Variants in OPRM1 observed in about 807,000 individuals in gnomAD.
The protein encoded by OPRM1 is mu-type opioid receptor.
In OPRM1, 27 loss-of-function variants were observed where a neutral mutation model predicts 31.8. That is an observed-to-expected ratio of 0.85 (90% confidence interval 0.63 to 1.17). OPRM1 has a LOEUF of 1.17. OPRM1 is among the 50% of genes most tolerant of loss of function. The pLI is 0.00. For missense variants in OPRM1, 536 were observed against 511.1 expected (o/e 1.05, Z -0.47); for synonymous variants, 196 against 189.9 (o/e 1.03, Z -0.26).
chr6:154,115,745 C>A (rs528185005), intron 3 of OPRM1, among the ~76,000 whole-genome samples: 2 of 152,172 alleles, frequency 1.3e-5, no homozygotes, highest in African/African-American at 4.8e-5. Context: ...GGGGCAGCAA[C>A]CTGGCTTCCC....
chr6:154,081,185 A>G (rs1789027984), intron 1 of OPRM1, among the ~76,000 whole-genome samples: 1 of 152,238 alleles, frequency 6.6e-6, no homozygotes, highest in African/African-American at 2.4e-5. Flanking sequence ...TAGAACTGAT[A>G]GGTTCAAACC....
intron 3 of OPRM1, among the ~76,000 whole-genome samples, chr6:154,145,704 G>A (rs941054242): frequency 1.3e-5 from 2 of 152,232 alleles, no homozygotes; most frequent in African/African-American, 4.8e-5. Flanking sequence ...TAAATTGGGA[G>A]GAAGCAGCAG....
At chr6:154,180,414 A>ATATATTTTTTTT (rs1241250621) in intron 3 of OPRM1, among the ~76,000 whole-genome samples, 2 of 65,264 alleles carry the variant, frequency 3.1e-5, no homozygotes, top group African/African-American at 9.6e-5. Context: ...ATATATATAT[A>ATATATTTTTTTT]TTTTTTTTTT....
chr6:154,085,232 A>G (rs969473662), intron 1 of OPRM1, among the ~76,000 whole-genome samples: 3 of 152,340 alleles, frequency 2.0e-5, no homozygotes, highest in Admixed American at 6.5e-5. Context: ...GAAAGGAAGA[A>G]CATCTATAAA....
intron 1 of OPRM1, among the ~76,000 whole-genome samples, chr6:154,081,846 C>T (rs1047439379): frequency 1.3e-5 from 2 of 152,162 alleles, no homozygotes; most frequent in Non-Finnish European, 2.9e-5. Context: ...GCCTCAAATA[C>T]TTGTAACTCT....
At chr6:154,241,234 CAAAAAAAAAAAA>C (rs11308882) in intron 3 of OPRM1, among the ~76,000 whole-genome samples, 1 of 79,234 alleles carries the variant, frequency 1.3e-5, no homozygotes, top group Non-Finnish European at 2.5e-5. Context: ...GACTCCATCT[CAAAAAAAAAAAA>C]AAAAAAAAGA....
At chr6:154,067,346 TTTAA>T (rs1320576147) in intron 1 of OPRM1, among the ~76,000 whole-genome samples, 4 of 151,956 alleles carry the variant, frequency 2.6e-5, no homozygotes, top group African/African-American at 9.7e-5. Flanking sequence ...TGTGTTGTGC[TTTAA>T]TTTTCATTTA....
chr6:154,040,224 T>C (rs1017581308), intron 1 of OPRM1, among the ~76,000 whole-genome samples: 3 of 151,984 alleles, frequency 2.0e-5, no homozygotes, highest in Non-Finnish European at 4.4e-5. Context: ...TTGTGAATAA[T>C]GGGAGAGAAA....
chr6:154,135,558 A>G (rs928798869), downstream of OPRM1, among the ~76,000 whole-genome samples: 1 of 150,310 alleles, frequency 6.7e-6, no homozygotes, highest in African/African-American at 2.4e-5. Flanking sequence ...AGCATACTAC[A>G]GCTTAATGTT....
At chr6:154,046,530 T>C (rs1430431858) in intron 1 of OPRM1, among the ~76,000 whole-genome samples, 1 of 152,232 alleles carries the variant, frequency 6.6e-6, no homozygotes, top group East Asian at 1.9e-4. Flanking sequence ...TTGTGATTAA[T>C]TGAGCTCAAG....
chr6:154,209,999 G>A (rs2128603393), intron 3 of OPRM1, among the ~76,000 whole-genome samples: 1 of 152,242 alleles, frequency 6.6e-6, no homozygotes, highest in African/African-American at 2.4e-5. Flanking sequence ...TAACTTACTG[G>A]CTTCATGAGT....
rs1788350323 is a variant in OPRM1 at position 154,078,445 on chromosome 6, A to AC, written c.291-11378dup. On this transcript the variant is annotated intron_variant, in intron 1 of 3. Transcript: ENST00000330432. ...TGTATTCCCAAGAAAGGGAAAAAGA[A>AC]CCCACAGGGAGAGCAAATGACTGTC... Among the ~76,000 whole-genome samples, 3 of 152,236 alleles carry AC rather than the reference A, an allele frequency of 2.0e-5. No homozygotes were observed. The South Asian group carries it at 6.2e-4, about 32-fold the overall frequency.
chr6:154,140,522 GT>G (rs1306358891), intron 3 of OPRM1, among the ~76,000 whole-genome samples: 6 of 152,004 alleles, frequency 3.9e-5, no homozygotes, highest in Non-Finnish European at 7.4e-5. Flanking sequence ...TTGAGACAGG[GT>G]TTCGCCATGT....
chr6:154,117,120 G>A (rs937368961), intron 3 of OPRM1, among the ~76,000 whole-genome samples: 5 of 152,112 alleles, frequency 3.3e-5, no homozygotes, highest in Non-Finnish European at 4.4e-5. Flanking sequence ...GTAGGACAGA[G>A]GTGGACCACT....
intron 3 of OPRM1, among the ~76,000 whole-genome samples, chr6:154,166,665 A>G (rs764344740): frequency 2.0e-5 from 3 of 152,200 alleles, no homozygotes; most frequent in African/African-American, 4.8e-5. Context: ...ACACCGGTAG[A>G]GTCCATTCAA....
Position 154,126,423 on chromosome 6 carries a change from GAAC to G in OPRM1, c.*7708_*7710del, listed in dbSNP as rs1183147215. The stretch of plus-strand genomic sequence containing the variant: ...AAAGACAAAGAAATTCTGGGAAGGA[GAAC>G]AACAATTATATTCCCCCATTTCAAG... On this transcript the variant is annotated 3_prime_UTR_variant, in exon 4 of 4. Coordinates refer to ENST00000330432, the MANE Select transcript of OPRM1 (RefSeq NM_000914.5). 6.6e-6 allele frequency among the ~76,000 whole-genome samples: 1 copy of G among 152,188 alleles called. No individual in the cohort carries two copies. The highest frequency in any genetic ancestry group is 6.5e-5 in the Admixed American group (1 of 15,280).
chr6:154,192,516 T>C (rs1801993535), intron 3 of OPRM1, among the ~76,000 whole-genome samples: 1 of 151,998 alleles, frequency 6.6e-6, no homozygotes, highest in South Asian at 2.1e-4. Context: ...ACATTTGAAC[T>C]TAATTAAACC....
intron 1 of OPRM1, among the ~76,000 whole-genome samples, chr6:154,061,004 C>G (rs3778149): frequency 0.14 from 21,988 of 152,166 alleles, 1,695 homozygotes; most frequent in Non-Finnish European, 0.17. Context: ...CTCACTCTCA[C>G]TAAAATGGGT....
intron 1 of OPRM1, among the ~76,000 whole-genome samples, chr6:154,015,791 C>G (rs1018406415): frequency 2.6e-5 from 4 of 151,288 alleles, no homozygotes; most frequent in African/African-American, 9.7e-5. Context: ...AAAAACAGAC[C>G]CTATTTTTAA....
Sources: gnomAD v4.1 joint callset for allele counts (sites outside exome capture counted in the v4.1 genomes callset) on GRCh38, gnomAD v4.1.1 for gene constraint, MANE v1.5 for transcripts, NCBI Gene and HGNC (gene_info 2026-07-23, HGNC 2026-07-21) for gene names.